DLG2: variants seen among roughly 807,000 people sequenced by gnomAD.
DLG2 encodes disks large homolog 2.
DLG2 carries 45 observed loss-of-function variants against 132.5 expected under a neutral mutation model. The observed-to-expected ratio is 0.34, with a 90% CI of 0.27 to 0.44. DLG2 has a LOEUF of 0.44. Among genes scored for constraint, DLG2 ranks in the 20% least tolerant of loss-of-function variants. The probability of loss-of-function intolerance (pLI) is 1.00; values close to 1 mark genes in which losing one functional copy is unlikely to be tolerated. For missense variants in DLG2, 1,045 were observed against 1,196.9 expected (o/e 0.87, Z 1.87); for synonymous variants, 424 against 419.6 (o/e 1.01, Z -0.13).
At chr11:85,439,732 T>C (rs2091681692) in intron 3 of DLG2, among the ~76,000 whole-genome samples, 1 of 152,096 alleles carries the variant, frequency 6.6e-6, no homozygotes, top group Non-Finnish European at 1.5e-5. Context: ...GAGATATATG[T>C]GTGAAACAAA....
chr11:84,023,268 T>A (rs2095446840), intron 11 of DLG2, among the ~76,000 whole-genome samples: 1 of 152,184 alleles, frequency 6.6e-6, no homozygotes, highest in African/African-American at 2.4e-5. Flanking sequence ...TGATATTGAC[T>A]GGTAATGATT....
chr11:85,318,944 A>G (rs772400348), intron 3 of DLG2, among the ~76,000 whole-genome samples: 1 of 151,912 alleles, frequency 6.6e-6, no homozygotes, highest in Non-Finnish European at 1.5e-5. Flanking sequence ...ATCCACAAAT[A>G]AAGCCATCAC....
At chr11:83,790,929 G>T in intron 17 of DLG2, 1 of 926,084 alleles carries the variant, frequency 1.1e-6, no homozygotes, top group Non-Finnish European at 1.7e-6. Context: ...GTAGTCCTGA[G>T]GCAGAAGTCC....
At chr11:85,445,317 G>A (rs552008529) in intron 3 of DLG2, among the ~76,000 whole-genome samples, 2 of 152,230 alleles carry the variant, frequency 1.3e-5, no homozygotes, top group African/African-American at 4.8e-5. Flanking sequence ...CCATCTCCTG[G>A]ACAAATCCAG....
chr11:84,802,246 T>C (rs542656466), intron 6 of DLG2, among the ~76,000 whole-genome samples: 32 of 151,736 alleles, frequency 2.1e-4, no homozygotes, highest in Non-Finnish European at 4.1e-4. Flanking sequence ...AAGAAAATAA[T>C]AGGAAATTAT....
intron 3 of DLG2, among the ~76,000 whole-genome samples, chr11:85,501,732 C>G (rs1473871334): frequency 6.6e-6 from 1 of 152,076 alleles, no homozygotes. Flanking sequence ...CCATCTCACA[C>G]CAGTCAGAAT....
intron 6 of DLG2, among the ~76,000 whole-genome samples, chr11:84,623,867 T>C (rs1335753983): frequency 6.6e-6 from 1 of 152,210 alleles, no homozygotes; most frequent in Non-Finnish European, 1.5e-5. Context: ...ATTACCTCAG[T>C]ATTGCAACAA....
intron 15 of DLG2, among the ~76,000 whole-genome samples, chr11:83,890,819 C>T (rs1315458672): frequency 2.0e-5 from 3 of 151,836 alleles, no homozygotes; most frequent in East Asian, 3.9e-4. Context: ...ACCAATGGGT[C>T]GAAGGAAGGA....
At chr11:84,225,375 AG>A (rs537594917) in intron 8 of DLG2, among the ~76,000 whole-genome samples, 1 of 152,246 alleles carries the variant, frequency 6.6e-6, no homozygotes, top group Non-Finnish European at 1.5e-5. Flanking sequence ...AGCTAGGTTC[AG>A]GGAAGTTGGT....
At chr11:85,322,622 G>A (rs1030746225) in intron 3 of DLG2, among the ~76,000 whole-genome samples, 2 of 152,110 alleles carry the variant, frequency 1.3e-5, no homozygotes, top group South Asian at 2.1e-4. Context: ...AACAGTAAAT[G>A]GTTCCATAAC....
At chr11:84,232,362 G>C (rs1025973522) in intron 8 of DLG2, among the ~76,000 whole-genome samples, 1 of 152,040 alleles carries the variant, frequency 6.6e-6, no homozygotes, top group African/African-American at 2.4e-5. Flanking sequence ...GTAAACCTAG[G>C]TAACAGTACC....
At chr11:84,738,029 C>G (rs962506505) in intron 6 of DLG2, among the ~76,000 whole-genome samples, 1 of 151,998 alleles carries the variant, frequency 6.6e-6, no homozygotes, top group African/African-American at 2.4e-5. Flanking sequence ...CTTTTGGTAA[C>G]TCTAACTTGG....
intron 3 of DLG2, among the ~76,000 whole-genome samples, chr11:85,511,778 G>T (rs1177477220): frequency 6.6e-6 from 1 of 151,442 alleles, no homozygotes; most frequent in Non-Finnish European, 1.5e-5. Context: ...AAGTGCAGTG[G>T]TGGGATTATA....
At chr11:83,873,801 T>A (rs2063966531) in intron 16 of DLG2, among the ~76,000 whole-genome samples, 1 of 151,926 alleles carries the variant, frequency 6.6e-6, no homozygotes, top group Non-Finnish European at 1.5e-5. Context: ...GCTCAAGAGT[T>A]ACATCTTTTC....
intron 6 of DLG2, among the ~76,000 whole-genome samples, chr11:84,679,859 A>G (rs569246642): frequency 6.6e-6 from 1 of 152,230 alleles, no homozygotes; most frequent in East Asian, 1.9e-4. Context: ...AAGAATAAAT[A>G]TTGGGTTTGG....
intron 3 of DLG2, among the ~76,000 whole-genome samples, chr11:85,516,738 C>G (rs191227143): frequency 6.6e-6 from 1 of 151,934 alleles, no homozygotes; most frequent in East Asian, 1.9e-4. Flanking sequence ...ATACAGAAAC[C>G]CTAAAAAGAC....
chr11:84,814,587 C>T (rs2076908036), intron 6 of DLG2, among the ~76,000 whole-genome samples: 1 of 152,046 alleles, frequency 6.6e-6, no homozygotes, highest in Non-Finnish European at 1.5e-5. Flanking sequence ...CTCTGAAACA[C>T]CTTAAATTAC....
intron 4 of DLG2, among the ~76,000 whole-genome samples, chr11:85,248,599 C>T (rs184169445): frequency 6.6e-6 from 1 of 151,770 alleles, no homozygotes; most frequent in Non-Finnish European, 1.5e-5. Flanking sequence ...CTGGAGGTGC[C>T]AGTAGGGATG....
At chr11:84,997,067 C>A (rs114964299) in intron 6 of DLG2, among the ~76,000 whole-genome samples, 3 of 151,976 alleles carry the variant, frequency 2.0e-5, no homozygotes, top group Admixed American at 6.6e-5. Flanking sequence ...TGGATGTAAA[C>A]GTCATTAATA....
Sources: allele counts gnomAD v4.1 joint callset (sites outside exome capture counted in the v4.1 genomes callset), GRCh38; gene constraint gnomAD v4.1.1; transcripts MANE v1.5; gene names NCBI Gene and HGNC (gene_info 2026-07-23, HGNC 2026-07-21).